Variants in NETO1 observed in about 807,000 individuals in gnomAD.
NETO1 encodes the protein neuropilin and tolloid-like protein 1.
In NETO1, 26 loss-of-function variants were observed where a neutral mutation model predicts 61.3. The ratio of observed to expected loss-of-function variants is 0.42; its 90% CI spans 0.31 to 0.59. The LOEUF (loss-of-function observed/expected upper bound fraction) is 0.59, where lower values mean the gene tolerates loss of function less well. NETO1 is among the 20% of genes least tolerant of loss of function. NETO1 has a pLI of 0.12. For missense variants in NETO1, 531 were observed against 662.8 expected, an observed-to-expected ratio of 0.80 and a Z score of 2.18; for synonymous variants, 225 against 225.8, an observed-to-expected ratio of 1.00 and a Z score of 0.03.
At chr18:72,789,411 C>T (rs747699189) in intron 6 of NETO1, among the ~76,000 whole-genome samples, 3 of 151,946 alleles carry the variant, frequency 2.0e-5, no homozygotes, top group African/African-American at 4.8e-5. Context: ...TGGTATTTAC[C>T]TACCTATTTA....
At position 72,858,905 on chromosome 18, in the gene NETO1, T is replaced by G; in HGVS notation, c.390A>C (p.Gly130=). 6.2e-7 allele frequency: 1 copy of G among 1,613,896 alleles called. No homozygotes were observed. Among genetic ancestry groups the G allele is most frequent in the Non-Finnish European group, 8.5e-7 (1 of 1,179,870 alleles). The change falls in exon 4 of 11, where the codon GGA becomes GGC. Residue 130 remains glycine, a synonymous_variant. Coordinates refer to ENST00000327305, the MANE Select transcript of NETO1 (RefSeq NM_138966.5). ...QQNPPVIKSS[G]RFLWIKFFAD... ...CAAAAAATTTAATCCATAGAAATCT[T>G]CCACTGGATTTTATGACAGGTGGAT... is the stretch of plus-strand genomic sequence containing the variant.
chr18:72,848,990 T>G (rs2145559655), intron 4 of NETO1, among the ~76,000 whole-genome samples: 1 of 152,322 alleles, frequency 6.6e-6, no homozygotes, highest in East Asian at 1.9e-4. Context: ...TCTCATCCTA[T>G]TTTTGGATTC....
At chr18:72,810,911 C>A (rs17086348) in intron 4 of NETO1, among the ~76,000 whole-genome samples, 6 of 152,102 alleles carry the variant, frequency 3.9e-5, no homozygotes, top group African/African-American at 1.4e-4. Context: ...TTATGGGATG[C>A]CTTCTGCTTT....
rs1350746325 is a variant in NETO1 at position 72,746,950 on chromosome 18, T to C, written c.*1229A>G. Among the ~76,000 whole-genome samples the C allele has an allele frequency of 2.0e-5, 3 of 152,036 alleles. No homozygotes were observed. The highest frequency in any genetic ancestry group is 7.2e-5 in the African/African-American group (3 of 41,440). ...ATCATAATCACTAAGCTTTCAGGTG[T>C]ATTATGTGTACCTGAGAATAAGAAT... On this transcript the variant is annotated 3_prime_UTR_variant, in exon 11 of 11. Coordinates refer to ENST00000327305, the MANE Select transcript of NETO1 (RefSeq NM_138966.5).
At chr18:72,807,014 G>A (rs2072695696) in intron 4 of NETO1, among the ~76,000 whole-genome samples, 1 of 152,146 alleles carries the variant, frequency 6.6e-6, no homozygotes. Flanking sequence ...AACTTTAAGT[G>A]CCATTTTAAA....
intron 4 of NETO1, among the ~76,000 whole-genome samples, chr18:72,816,540 G>A (rs919957558): frequency 1.3e-5 from 2 of 152,136 alleles, no homozygotes; most frequent in African/African-American, 4.8e-5. Flanking sequence ...GGGAGGAAGG[G>A]TAAATCAGAC....
intron 4 of NETO1, among the ~76,000 whole-genome samples, chr18:72,803,570 C>T (rs960078332): frequency 1.3e-5 from 2 of 152,140 alleles, no homozygotes; most frequent in South Asian, 2.1e-4. Context: ...TGCCTTTAAT[C>T]CCGCACTCTG....
At chr18:72,780,017 G>A (rs1300628000) in intron 7 of NETO1, among the ~76,000 whole-genome samples, 1 of 152,140 alleles carries the variant, frequency 6.6e-6, no homozygotes, top group South Asian at 2.1e-4. Flanking sequence ...CACCTATGAT[G>A]AGAGCTGTAC....
intron 4 of NETO1, chr18:72,835,333 G>T: frequency 6.3e-7 from 1 of 1,593,916 alleles, no homozygotes; most frequent in Non-Finnish European, 8.6e-7. Context: ...GAGGCAAAGA[G>T]GTAATTAAAG....
chr18:72,786,286 A>C (rs1483082924), intron 6 of NETO1, among the ~76,000 whole-genome samples: 1 of 152,210 alleles, frequency 6.6e-6, no homozygotes, highest in African/African-American at 2.4e-5. Flanking sequence ...ACATAAAAGG[A>C]CAAGACGAAA....
intron 3 of NETO1, among the ~76,000 whole-genome samples, chr18:72,864,583 C>T (rs948877): frequency 0.26 from 40,018 of 152,136 alleles, 6,008 homozygotes; most frequent in East Asian, 0.64. Flanking sequence ...AGTTGTTCAT[C>T]TGTTTTTATT....
At chr18:72,778,982 A>C (rs569759911) in intron 7 of NETO1, among the ~76,000 whole-genome samples, 2 of 152,202 alleles carry the variant, frequency 1.3e-5, no homozygotes. Context: ...TGTAAACAAC[A>C]TTAAAAATTC....
In NETO1 at chr18:72,746,706, G is replaced by A. The variant is rs1249516147; in HGVS notation, c.*1473C>T. On this transcript the variant is annotated 3_prime_UTR_variant, in exon 11 of 11. Coordinates refer to ENST00000327305, the MANE Select transcript of NETO1 (RefSeq NM_138966.5). ...TTTAGTAGACCAGACTGCTCTGTTAGTGGAAGGACAGAGTTCTTTAAACCT... is the reference window on the plus strand; with the variant it reads ...TTTAGTAGACCAGACTGCTCTGTTAATGGAAGGACAGAGTTCTTTAAACCT... 6.6e-6 allele frequency among the ~76,000 whole-genome samples: 1 copy of A among 151,902 alleles called. No individual in the cohort carries two copies. The highest frequency in any genetic ancestry group is 1.5e-5 in the Non-Finnish European group (1 of 67,922).
chr18:72,797,136 T>C (rs1174602279), intron 4 of NETO1, among the ~76,000 whole-genome samples: 4 of 152,200 alleles, frequency 2.6e-5, no homozygotes, highest in African/African-American at 9.6e-5. Context: ...ATTATATTCA[T>C]AATTAATACT....
chr18:72,849,098 A>G (rs1310137084), intron 4 of NETO1, among the ~76,000 whole-genome samples: 1 of 152,196 alleles, frequency 6.6e-6, no homozygotes, highest in Admixed American at 6.5e-5. Flanking sequence ...TGATCTTTCT[A>G]GGGGATCAGC....
chr18:72,813,937 C>T (rs2072948803), intron 4 of NETO1, among the ~76,000 whole-genome samples: 1 of 151,908 alleles, frequency 6.6e-6, no homozygotes, highest in Non-Finnish European at 1.5e-5. Flanking sequence ...GAGTAACACA[C>T]TCATGAAAGG....
intron 8 of NETO1, among the ~76,000 whole-genome samples, chr18:72,755,574 G>A (rs988174730): frequency 3.3e-5 from 5 of 152,112 alleles, no homozygotes; most frequent in African/African-American, 7.2e-5. Flanking sequence ...AAGCATTTTC[G>A]TAGCAAAACT....
intron 7 of NETO1, among the ~76,000 whole-genome samples, chr18:72,777,184 G>A (rs367617299): frequency 6.6e-5 from 10 of 152,198 alleles, no homozygotes; most frequent in African/African-American, 2.4e-4. Context: ...CTGGGAGGCC[G>A]AGGCATGTGG....
At chr18:72,835,863 A>C (rs141323130) in intron 4 of NETO1, among the ~76,000 whole-genome samples, 1 of 152,246 alleles carries the variant, frequency 6.6e-6, no homozygotes, top group East Asian at 1.9e-4. Context: ...TTACTTCCTT[A>C]GAAATCCCAC....
Sources: gnomAD v4.1 joint callset for allele counts (sites outside exome capture counted in the v4.1 genomes callset) on GRCh38, gnomAD v4.1.1 for gene constraint, MANE v1.5 for transcripts, NCBI Gene and HGNC (gene_info 2026-07-23, HGNC 2026-07-21) for gene names.